Variants in HMCN1 observed in about 807,000 individuals in gnomAD.
The protein encoded by HMCN1 is hemicentin 1, also known as hemicentin-1.
Under a neutral mutation model 625.9 loss-of-function variants are expected in HMCN1, and 321 were observed. That is an observed-to-expected ratio of 0.51 (90% CI 0.47 to 0.56). The LOEUF (loss-of-function observed/expected upper bound fraction) is 0.56. Among genes scored for constraint, HMCN1 ranks in the 20% least tolerant of loss-of-function variants. HMCN1 has a pLI of 0.00. For synonymous variants in HMCN1, 2,425 were observed against 2,417.6 expected, an observed-to-expected ratio of 1.00 and a Z score of -0.09; for missense variants, 6,588 against 6,887.3, an observed-to-expected ratio of 0.96 and a Z score of 1.54.
At chr1:186,022,910 A>G in intron 35 of HMCN1, 120 bp from the exon 36 acceptor site, 1 of 990,500 alleles carries the variant, frequency 1.0e-6, no homozygotes, top group Non-Finnish European at 1.6e-6. Flanking sequence ...GTTTATTAAG[A>G]TATTGGCATG....
chr1:185,946,164 A>G (rs1027446265), intron 11 of HMCN1, among the ~76,000 whole-genome samples: 1 of 152,212 alleles, frequency 6.6e-6, no homozygotes, highest in Non-Finnish European at 1.5e-5. Context: ...TTCCAGCTAC[A>G]TTATGGTTGC....
intron 4 of HMCN1, among the ~76,000 whole-genome samples, chr1:185,870,489 A>G (rs1157400090): frequency 1.3e-5 from 2 of 152,126 alleles, no homozygotes; most frequent in African/African-American, 4.8e-5. Context: ...CTCGAAAAAA[A>G]CTTACCAGCC....
chr1:185,836,172 C>T (rs1217815999), intron 1 of HMCN1, among the ~76,000 whole-genome samples: 1 of 152,064 alleles, frequency 6.6e-6, no homozygotes, highest in Admixed American at 6.6e-5. Flanking sequence ...TTTCCAGTGA[C>T]CATTATAAGC....
chr1:185,786,869 G>T (rs1053963747), intron 1 of HMCN1, among the ~76,000 whole-genome samples: 1 of 152,078 alleles, frequency 6.6e-6, no homozygotes, highest in Non-Finnish European at 1.5e-5. Flanking sequence ...CCAATGCTAC[G>T]TTTGCCAACA....
chr1:186,137,850 G>A lies in HMCN1; in HGVS notation c.13802G>A (p.Ser4601Asn). The A allele has an allele frequency of 6.2e-7, 1 of 1,614,086 alleles. No individual in the cohort carries two copies. Among genetic ancestry groups the A allele is most frequent in the Non-Finnish European group, 8.5e-7 (1 of 1,179,980 alleles). The change falls in exon 89 of 107, where the codon AGC becomes AAC. Residue 4601 changes from serine to asparagine, a missense_variant. This residue lies in a region of HMCN1 where 1,954 missense variants were observed against 2,013.1 expected (regional missense o/e 0.97). Transcript: ENST00000271588. ...AGTCTTTGGGAAGAATGCACAAGGAGCTGTGGACGCGGCAACCAAACCAGG... is the reference window on the plus strand; with the variant it reads ...AGTCTTTGGGAAGAATGCACAAGGAACTGTGGACGCGGCAACCAAACCAGG... The part of the protein sequence containing the change: ...EWSLWEECTR[S>N]CGRGNQTRTR...
At chr1:186,113,135 A>T (rs1044077732) in intron 72 of HMCN1, among the ~76,000 whole-genome samples, 182 bp downstream of exon 72, 1 of 152,226 alleles carries the variant, frequency 6.6e-6, no homozygotes, top group Non-Finnish European at 1.5e-5. Flanking sequence ...TTTCCAAAAA[A>T]CATAACTAGA....
intron 71 of HMCN1, among the ~76,000 whole-genome samples, chr1:186,110,977 C>CTTTTTTTTG (rs1660848870): frequency 1.6e-5 from 1 of 61,648 alleles, no homozygotes; most frequent in African/African-American, 9.8e-5. Flanking sequence ...AGAGAAAATT[C>CTTTTTTTTG]TTTTTTTTTT....
rs1395337168 is a variant in HMCN1, at chr1:186,078,123, G to A, written c.8502G>A (p.Gln2834=). ...VLILPGGRVL[Q]IPRAKVEDAG... is the part of the protein sequence containing the mutation. ...TATTTTCAGGAGGGCGAGTGTTGCA[G>A]ATTCCTCGGGCTAAAGTAGAAGATG... Residue 2834 remains glutamine (Q), a synonymous_variant, in exon 55 of 107, where the codon CAG becomes CAA. Transcript: ENST00000271588. 1 of 1,613,352 alleles carries A rather than the reference G, an allele frequency of 6.2e-7. No homozygotes were observed. The highest frequency in any genetic ancestry group is 8.5e-7 in the Non-Finnish European group (1 of 1,179,616).
At chr1:186,014,856 A>G (rs1654255459) in intron 30 of HMCN1, among the ~76,000 whole-genome samples, 1 of 151,744 alleles carries the variant, frequency 6.6e-6, no homozygotes, top group South Asian at 2.1e-4. Flanking sequence ...GTGGGGTTTT[A>G]TTTTGTTTTG....
intron 80 of HMCN1, 147 bp from the exon 81 acceptor site, chr1:186,122,804 A>G: frequency 1.2e-6 from 1 of 848,760 alleles, no homozygotes; most frequent in East Asian, 2.7e-5. Flanking sequence ...GTTCCCATGA[A>G]AAAATGTAGT....
intron 57 of HMCN1, among the ~76,000 whole-genome samples, chr1:186,085,484 T>A (rs1354925355): frequency 6.6e-6 from 1 of 152,072 alleles, no homozygotes; most frequent in Non-Finnish European, 1.5e-5. Flanking sequence ...TCCTAAGGAA[T>A]CATTTGACCT....
intron 1 of HMCN1, among the ~76,000 whole-genome samples, chr1:185,739,688 A>G (rs183230474): frequency 6.6e-5 from 10 of 152,348 alleles, no homozygotes; most frequent in South Asian, 2.1e-4. Flanking sequence ...CGTAAAACAG[A>G]TAAAAGCGCC....
chr1:185,924,317 G>A (rs1452970698), intron 8 of HMCN1, among the ~76,000 whole-genome samples: 6 of 126,606 alleles, frequency 4.7e-5, no homozygotes, highest in South Asian at 2.8e-4. Context: ...TGCAAGCCCC[G>A]CCTCCCGGGT....
chr1:186,102,245 G>A (rs187443393), intron 68 of HMCN1, among the ~76,000 whole-genome samples: 22 of 152,168 alleles, frequency 1.4e-4, no homozygotes, highest in African/African-American at 4.3e-4. Context: ...ATGTAAGATA[G>A]ATAGAAGTAA....
At chr1:186,135,545 T>A (rs1232982976) in intron 86 of HMCN1, among the ~76,000 whole-genome samples, 2 of 152,206 alleles carry the variant, frequency 1.3e-5, no homozygotes, top group African/African-American at 4.8e-5. Flanking sequence ...ATGAATGTCT[T>A]AGAGATACCT....
intron 6 of HMCN1, among the ~76,000 whole-genome samples, chr1:185,920,246 T>C: frequency 6.6e-6 from 1 of 152,206 alleles, no homozygotes; most frequent in South Asian, 2.1e-4. Flanking sequence ...TTTTATTGTA[T>C]GTTTAAACCA....
chr1:185,957,262 G>C (rs1649694741), intron 11 of HMCN1: 1 of 152,170 alleles, frequency 6.6e-6, no homozygotes, highest in Non-Finnish European at 1.5e-5. Context: ...TATTTTTAAA[G>C]TATTGTTTAT....
At chr1:186,164,797 C>G (rs950102405) in intron 97 of HMCN1, among the ~76,000 whole-genome samples, 4 of 152,158 alleles carry the variant, frequency 2.6e-5, no homozygotes, top group African/African-American at 9.7e-5. Flanking sequence ...CAGGACTTTG[C>G]CCATGGTTAT....
At chr1:185,965,736 A>G (rs1650357788) in intron 13 of HMCN1, 66 bp from the exon 14 acceptor site, 1 of 916,288 alleles carries the variant, frequency 1.1e-6, no homozygotes, top group South Asian at 1.3e-5. Context: ...TTCATTTAGT[A>G]AACATAAACA....
Sources: allele counts gnomAD v4.1 joint callset (sites outside exome capture counted in the v4.1 genomes callset), GRCh38; gene constraint gnomAD v4.1.1; regional missense constraint gnomAD v4.1.1; transcripts MANE v1.5; gene names NCBI Gene and HGNC (gene_info 2026-07-23, HGNC 2026-07-21).